Variants in DOCK3 observed in about 807,000 individuals in gnomAD.
DOCK3 encodes the protein dedicator of cytokinesis protein 3.
Under a neutral mutation model 265.6 loss-of-function variants are expected in DOCK3, and 60 were observed. The ratio of observed to expected loss-of-function variants is 0.23; its 90% CI spans 0.18 to 0.28. DOCK3 has a LOEUF of 0.28. DOCK3 is among the 10% of genes least tolerant of loss of function. DOCK3 has a pLI of 1.00. For synonymous variants in DOCK3, 881 were observed against 938.0 expected (o/e 0.94, Z 1.11); for missense variants, 1,981 against 2,594.3 (o/e 0.76, Z 5.14).
In DOCK3 at chr3:50,997,270, T is replaced by C. The variant is rs1021900898; in HGVS notation, c.315+63193T>C. On this transcript the variant is annotated intron_variant, in intron 5 of 52. Transcript: ENST00000266037. ...ACAGTATCCATTGAATAAATGAATTTTTATTGAAGTTAAAGATTGTCTAGT... is the reference window on the plus strand; with the variant it reads ...ACAGTATCCATTGAATAAATGAATTCTTATTGAAGTTAAAGATTGTCTAGT... Among the ~76,000 whole-genome samples, 3 of 152,172 alleles carry C rather than the reference T, an allele frequency of 2.0e-5. No homozygotes were observed. In the South Asian group the frequency reaches 6.2e-4, roughly 32 times the overall value.
intron 2 of DOCK3, among the ~76,000 whole-genome samples, chr3:50,830,691 C>T (rs956012801): frequency 1.4e-4 from 21 of 152,162 alleles, no homozygotes; most frequent in Non-Finnish European, 2.6e-4. Context: ...GCTTCTCTGT[C>T]AGTACCAATT....
intron 3 of DOCK3, chr3:50,880,629 T>A (rs2047974065): frequency 6.4e-6 from 1 of 156,570 alleles, no homozygotes; most frequent in Non-Finnish European, 1.4e-5. Flanking sequence ...ATTGAGGCAA[T>A]AATTAATAGC....
In DOCK3 at chr3:51,275,141, A is replaced by G; in HGVS notation, c.2611A>G (p.Lys871Glu). The change falls in exon 25 of 53, where the codon AAA becomes GAA. Residue 871 changes from lysine (K) to glutamate (E), a missense_variant. Lys to Glu is a moderately conservative substitution (Grantham distance 56). Around this residue, in one of 4 missense-constraint regions of DOCK3, gnomAD observed 1,357 missense variants for 1,866.8 expected, o/e 0.73. Transcript: ENST00000266037. ...HHIHLHLRQQ[K>E]ELLICSGILG... is the part of the protein sequence containing the mutation. ...CATTCACCTTCACCTGAGGCAGCAG[A>G]AAGAGCTGCTAATTTGCTCAGGGAT... 6.2e-7 allele frequency: 1 copy of G among 1,614,012 alleles called. No homozygotes were observed. Among genetic ancestry groups the G allele is most frequent in the Non-Finnish European group, 8.5e-7 (1 of 1,179,882 alleles).
intron 23 of DOCK3, 88 bp from the exon 24 acceptor site, chr3:51,270,727 C>A: frequency 1.4e-6 from 2 of 1,379,782 alleles, no homozygotes; most frequent in South Asian, 2.9e-5. Context: ...CCTTCTCAGC[C>A]TCTCACCACC....
intron 32 of DOCK3, among the ~76,000 whole-genome samples, chr3:51,319,992 C>CT (rs928641958): frequency 6.6e-6 from 1 of 152,046 alleles, no homozygotes; most frequent in African/African-American, 2.4e-5. Context: ...AATACATAGG[C>CT]TTTTTTTAAC....
intron 12 of DOCK3, among the ~76,000 whole-genome samples, chr3:51,177,900 A>G (rs1195566458): frequency 6.6e-6 from 1 of 152,096 alleles, no homozygotes; most frequent in Non-Finnish European, 1.5e-5. Context: ...CTGAAGCAAG[A>G]TAATCACTTG....
intron 25 of DOCK3, 64 bp downstream of exon 25, chr3:51,275,270 G>C: frequency 6.2e-7 from 1 of 1,602,256 alleles, no homozygotes; most frequent in South Asian, 1.1e-5. Context: ...ACTTTAGCCA[G>C]AGGCAGACCA....
At position 50,777,236 on chromosome 3, in the gene DOCK3, G is replaced by A. The variant is rs560104002; in HGVS notation, c.38-1439G>A. On this transcript the variant is annotated intron_variant, in intron 1 of 52. Transcript: ENST00000266037. ...CCCAGCTTATGTTTTTGTATGCTTT[G>A]TTGAATACCATTTGGCTTTATTTCT... Among the ~76,000 whole-genome samples the A allele has an allele frequency of 1.2e-4, 19 of 152,032 alleles. 1 individual carries two copies. Among genetic ancestry groups the A allele is most frequent in the Admixed American group, 5.2e-4 (8 of 15,260 alleles).
Position 51,357,778 on chromosome 3 carries a change from C to T in DOCK3, c.4704C>T (p.Tyr1568=). ...CACAGGCCTTCTTTGATAAAGATTA[C>T]ATCAACAAGCACCCAGGAGATGCTG... ...RYQEAFFDKD[Y]INKHPGDAEK... Residue 1568 remains tyrosine (Y), a synonymous_variant, in exon 45 of 53, where the codon TAC becomes TAT. Coordinates refer to ENST00000266037, the MANE Select transcript of DOCK3 (RefSeq NM_004947.5). 1 of 1,613,908 alleles carries T rather than the reference C, an allele frequency of 6.2e-7. No individual in the cohort carries two copies. The highest frequency in any genetic ancestry group is 8.5e-7 in the Non-Finnish European group (1 of 1,179,900).
chr3:51,298,498 A>C (rs1003058376), intron 27 of DOCK3, among the ~76,000 whole-genome samples: 1 of 152,286 alleles, frequency 6.6e-6, no homozygotes, highest in South Asian at 2.1e-4. Flanking sequence ...TCCTGCACCT[A>C]TCAACCCATT....
At chr3:51,030,873 C>T (rs947339326) in intron 5 of DOCK3, among the ~76,000 whole-genome samples, 1 of 152,176 alleles carries the variant, frequency 6.6e-6, no homozygotes, top group African/African-American at 2.4e-5. Flanking sequence ...GGCTTCTTAG[C>T]CTTTCTTGCC....
intron 2 of DOCK3, among the ~76,000 whole-genome samples, chr3:50,779,336 A>G (rs1243820653): frequency 6.6e-6 from 1 of 152,084 alleles, no homozygotes; most frequent in East Asian, 1.9e-4. Flanking sequence ...TTGGCTGGGC[A>G]TCTTTAGTCC....
At chr3:51,032,674 GA>G (rs2080099753) in intron 5 of DOCK3, among the ~76,000 whole-genome samples, 1 of 152,128 alleles carries the variant, frequency 6.6e-6, no homozygotes, top group Admixed American at 6.6e-5. Flanking sequence ...TCAGGAGGCT[GA>G]GGCAGGAGGA....
chr3:51,247,311 C>T (rs1251006529), intron 22 of DOCK3, among the ~76,000 whole-genome samples: 1 of 152,184 alleles, frequency 6.6e-6, no homozygotes, highest in Non-Finnish European at 1.5e-5. Flanking sequence ...CTTCCATGGT[C>T]GTGACCATTG....
intron 21 of DOCK3, among the ~76,000 whole-genome samples, chr3:51,240,100 C>CT (rs2078540835): frequency 6.6e-6 from 1 of 152,202 alleles, no homozygotes; most frequent in African/African-American, 2.4e-5. Flanking sequence ...AAATTTCCCT[C>CT]TTAACAATGC....
intron 6 of DOCK3, among the ~76,000 whole-genome samples, chr3:51,068,539 GAAAAA>G (rs1160597168): frequency 3.3e-4 from 15 of 45,702 alleles, no homozygotes; most frequent in Non-Finnish European, 3.9e-4. Context: ...GACTCCGTCT[GAAAAA>G]AAAAAAAAAA....
chr3:51,268,064 A>C (rs1488315046), intron 23 of DOCK3, among the ~76,000 whole-genome samples: 1 of 152,190 alleles, frequency 6.6e-6, no homozygotes, highest in African/African-American at 2.4e-5. Flanking sequence ...TGGGTGCAGC[A>C]CACCACCATG....
intron 1 of DOCK3, among the ~76,000 whole-genome samples, chr3:50,769,811 CAAAA>C (rs3066895): frequency 4.2e-4 from 37 of 88,510 alleles, no homozygotes; most frequent in Admixed American, 6.0e-4. Flanking sequence ...GACTCTGTCT[CAAAA>C]AAAAAAAAAA....
intron 12 of DOCK3, among the ~76,000 whole-genome samples, chr3:51,177,665 G>A (rs1259950875): frequency 6.6e-6 from 1 of 152,128 alleles, no homozygotes; most frequent in Non-Finnish European, 1.5e-5. Flanking sequence ...AGTTACAACA[G>A]TAAACATAAA....
Sources: allele counts gnomAD v4.1 joint callset (sites outside exome capture counted in the v4.1 genomes callset), GRCh38; gene constraint gnomAD v4.1.1; regional missense constraint gnomAD v4.1.1; transcripts MANE v1.5; gene names NCBI Gene and HGNC (gene_info 2026-07-23, HGNC 2026-07-21).